Variants in CCAR2 observed in about 807,000 individuals in gnomAD.
CCAR2 encodes the protein cell cycle and apoptosis regulator protein 2.
Under a neutral mutation model 108.1 loss-of-function variants are expected in CCAR2, and 21 were observed. That is an observed-to-expected ratio of 0.19 (90% CI 0.14 to 0.28). The LOEUF (loss-of-function observed/expected upper bound fraction) is 0.28, where lower values mean the gene tolerates loss of function less well. Ranked by LOEUF, CCAR2 falls within the 10% of genes least tolerant of loss-of-function variation. CCAR2 has a pLI of 1.00. For synonymous variants in CCAR2, 577 were observed against 472.8 expected (o/e 1.22, Z -2.86); for missense variants, 1,126 against 1,177.0 (o/e 0.96, Z 0.63).
chr8:22,615,787 A>C lies in CCAR2; in HGVS notation c.1483A>C (p.Thr495Pro). 6.2e-7 allele frequency: 1 copy of C among 1,613,922 alleles called. No homozygotes were observed. Among genetic ancestry groups the C allele is most frequent in the Non-Finnish European group, 8.5e-7 (1 of 1,179,992 alleles). ...PEATTQQETDTDLPEAPPPPL... is the reference protein window; with the variant it reads ...PEATTQQETDPDLPEAPPPPL... ...GGCCACCACACAGCAGGAAACGGACACTGATCTCCCAGAGGCCCCTCCACC... is the reference window on the plus strand; with the variant it reads ...GGCCACCACACAGCAGGAAACGGACCCTGATCTCCCAGAGGCCCCTCCACC... Residue 495 changes from threonine (T) to proline (P), a missense_variant, in exon 13 of 21, where the codon ACT (threonine) becomes CCT (proline). Physicochemically the swap from Thr to Pro is conservative, Grantham distance 38. Transcript: ENST00000308511.
Position 22,618,330 on chromosome 8 carries a change from A to G in CCAR2, c.2074-19A>G. On this transcript the variant is annotated intron_variant, in intron 16 of 20. Coordinates refer to ENST00000308511, the MANE Select transcript of CCAR2 (RefSeq NM_001393997.1). ...AGGGAACTATTTGCAAATCCTGCTC[A>G]TCTTTGTTTTCTTTGCAGCCCAAGG... 6.2e-7 allele frequency: 1 copy of G among 1,614,042 alleles called. No individual in the cohort carries two copies. Among genetic ancestry groups the G allele is most frequent in the Non-Finnish European group, 8.5e-7 (1 of 1,179,914 alleles).
intron 17 of CCAR2, 33 bp downstream of exon 17, chr8:22,618,528 A>C: frequency 6.2e-7 from 1 of 1,614,064 alleles, no homozygotes; most frequent in Non-Finnish European, 8.5e-7. Context: ...GCACATGGGC[A>C]CAGGCCTGCA....
intron 7 of CCAR2, 75 bp from the exon 8 acceptor site, chr8:22,612,942 G>T (rs565320959): frequency 1.4e-6 from 2 of 1,462,582 alleles, no homozygotes; most frequent in African/African-American, 1.4e-5. Flanking sequence ...ATTGTTTCCA[G>T]TTCTTTTAGT....
At chr8:22,604,867 CCCTCT>C (rs1373144952) in intron 1 of CCAR2, 25 bp downstream of exon 1, 6 of 447,608 alleles carry the variant, frequency 1.3e-5, no homozygotes, top group Admixed American at 4.7e-5. Context: ...CCCCTGCCGC[CCCTCT>C]GCCCCTTCGC....
intron 9 of CCAR2, 26 bp downstream of exon 9, chr8:22,614,340 A>T (rs771171748): frequency 1.2e-6 from 2 of 1,613,814 alleles, no homozygotes; most frequent in Non-Finnish European, 1.7e-6. Flanking sequence ...TCTCTCACTT[A>T]TCTGATTTCT....
chr8:22,608,106 C>CGA (rs1490897209), intron 7 of CCAR2, 41 bp downstream of exon 7: 1 of 1,400,188 alleles, frequency 7.1e-7, no homozygotes, highest in Admixed American at 1.9e-5. Context: ...CTTGTTGACA[C>CGA]TAACATTCTC....
rs1801741798 is a variant in CCAR2 at position 22,620,462 on chromosome 8, C to G, written c.*780C>G. 8.8e-6 allele frequency: 1 copy of G among 113,202 alleles called. No individual in the cohort carries two copies. The highest frequency in any genetic ancestry group is 1.1e-4 in the Admixed American group (1 of 9,448). The allele number at this position is 113,202 out of a possible 1,614,324, so 7.0% of individuals were successfully genotyped here. ...GCTTGTTTTTTAAATAAACCAAAGT[C>G]AAAAACAAACTGAGAGTGTGTCCTC... On this transcript the variant is annotated 3_prime_UTR_variant, in exon 21 of 21. Coordinates refer to ENST00000308511, the MANE Select transcript of CCAR2 (RefSeq NM_001393997.1).
At position 22,605,750 on chromosome 8, in the gene CCAR2, C is replaced by G. The variant is rs1262357406; in HGVS notation, c.-24C>G. ...TTGGATTGAAGCCTTTTCCCCACGA[C>G]TCTGAAAGAGGACAGCGTTCCCAAT... is the stretch of plus-strand genomic sequence containing the variant. On this transcript the variant is annotated 5_prime_UTR_variant, in exon 2 of 21. Coordinates refer to ENST00000308511, the MANE Select transcript of CCAR2 (RefSeq NM_001393997.1). 4 of 1,610,164 alleles carry G rather than the reference C, an allele frequency of 2.5e-6. No individual in the cohort carries two copies. The African/African-American group carries it at 4.0e-5, about 16-fold the overall frequency.
chr8:22,618,284 T>C, intron 16 of CCAR2, 65 bp from the exon 17 acceptor site: 2 of 1,606,434 alleles, frequency 1.2e-6, no homozygotes, highest in South Asian at 2.2e-5. Flanking sequence ...ACAGGCTGAA[T>C]CCTGGGCGAT....
intron 14 of CCAR2, 73 bp downstream of exon 14, chr8:22,616,321 G>T (rs759850425): frequency 1.4e-6 from 2 of 1,425,792 alleles, no homozygotes; most frequent in South Asian, 1.2e-5. Context: ...GCTCTGTTCC[G>T]AGCGCTTCCT....
intron 3 of CCAR2, 29 bp from the exon 4 acceptor site, chr8:22,606,578 T>C: frequency 1.3e-6 from 2 of 1,581,852 alleles, no homozygotes; most frequent in Non-Finnish European, 8.7e-7. Context: ...TCCTCCCTTT[T>C]ACTTTTCAGC....
chr8:22,620,988 G>A (rs1046791147), downstream of CCAR2: 1 of 157,678 alleles, frequency 6.3e-6, no homozygotes, highest in African/African-American at 2.4e-5. Flanking sequence ...GCCTCTCCCA[G>A]AAAAAAGAGG....
intron 7 of CCAR2, among the ~76,000 whole-genome samples, chr8:22,608,604 G>A (rs1801166844): frequency 6.6e-6 from 1 of 152,180 alleles, no homozygotes; most frequent in Admixed American, 6.5e-5. Context: ...GCTGATTTGG[G>A]CCTTTAGGGT....
Position 22,613,039 on chromosome 8 carries a change from C to T in CCAR2, c.607C>T (p.Arg203Cys), listed in dbSNP as rs1801351877. The T allele has an allele frequency of 3.1e-6, 5 of 1,612,658 alleles. No homozygotes were observed. The highest frequency in any genetic ancestry group is 4.2e-6 in the Non-Finnish European group (5 of 1,179,614). ...TAGTGATGACTATGACTCCAAGAAA[C>T]GCAAACAGCGGGCTGGTGGAGAGCC... ...GRSDDYDSKK[R>C]KQRAGGEPWG... Residue 203 changes from arginine (R) to cysteine (C), a missense_variant, in exon 8 of 21, where the codon CGC (arginine) becomes TGC (cysteine). By Grantham distance (180) the Arg-to-Cys change is radical. Around this residue, in one of 4 missense-constraint regions of CCAR2, gnomAD observed 1,013 missense variants for 993.9 expected, o/e 1.02. Transcript: ENST00000308511.
At chr8:22,605,235 C>T in intron 1 of CCAR2, 1 of 176,698 alleles carries the variant, frequency 5.7e-6, no homozygotes, top group Non-Finnish European at 1.2e-5. Flanking sequence ...GGGGAGAGGG[C>T]CCACACAGTC....
rs1563904352 is a variant in CCAR2 at position 22,606,790 on chromosome 8, G to T, written c.242+92G>T. The T allele has an allele frequency of 2.0e-5, 29 of 1,472,112 alleles. No individual in the cohort carries two copies. In the East Asian group the frequency reaches 6.6e-4, roughly 34 times the overall value. 91.2% of individuals were successfully genotyped at this position (1,472,112 alleles called of 1,614,324 possible). Reference sequence around the variant, plus strand: ...TGCCCCCACCCGCCTCAAAGCCATTGCTTTGCTGTTTTTGTGCAAGGTGTG... The same window carrying T: ...TGCCCCCACCCGCCTCAAAGCCATTTCTTTGCTGTTTTTGTGCAAGGTGTG... On this transcript the variant is annotated intron_variant, in intron 4 of 20. Coordinates refer to ENST00000308511, the MANE Select transcript of CCAR2 (RefSeq NM_001393997.1).
chr8:22,611,731 G>A lies in CCAR2; in HGVS notation c.585-1286G>A, dbSNP rs555108595. 2.6e-5 allele frequency among the ~76,000 whole-genome samples: 4 copies of A among 152,196 alleles called. No individual in the cohort carries two copies. In the East Asian group the frequency reaches 7.7e-4, roughly 29 times the overall value. ...TGTTTTAATGGCTGCGTGATTGTTT[G>A]TATTTACTATGAAAATTTGGGTATT... is the stretch of plus-strand genomic sequence containing the variant. On this transcript the variant is annotated intron_variant, in intron 7 of 20. Transcript: ENST00000308511.
rs1328809219 is a variant in CCAR2, at chr8:22,618,613, G to A, written c.2221-4G>A. 1.4e-5 allele frequency: 22 copies of A among 1,613,958 alleles called. No individual in the cohort carries two copies. Among genetic ancestry groups the A allele is most frequent in the Non-Finnish European group, 1.8e-5 (21 of 1,180,038 alleles). ...CTTCTGATCAGCAGATGTGTTTTCT[G>A]CAGGCCAAGCAGCTGGTCAGCAGGG... On this transcript the variant is annotated splice_polypyrimidine_tract_variant and splice_region_variant and intron_variant, in intron 17 of 20. Transcript: ENST00000308511.
intron 14 of CCAR2, chr8:22,616,528 ATT>A: frequency 2.1e-6 from 1 of 478,866 alleles, no homozygotes. Context: ...TAACTAGAAA[ATT>A]TTGTAGGCCG....
Sources: allele counts gnomAD v4.1 joint callset (sites outside exome capture counted in the v4.1 genomes callset), GRCh38; gene constraint gnomAD v4.1.1; regional missense constraint gnomAD v4.1.1; transcripts MANE v1.5; gene names NCBI Gene and HGNC (gene_info 2026-07-23, HGNC 2026-07-21).